Variants in PRKCQ observed in about 807,000 individuals in gnomAD.
PRKCQ encodes the protein protein kinase C theta type.
In PRKCQ, 41 loss-of-function variants were observed where a neutral mutation model predicts 91.2. The ratio of observed to expected loss-of-function variants is 0.45; its 90% CI spans 0.35 to 0.58. The LOEUF (loss-of-function observed/expected upper bound fraction) is 0.58, where lower values mean the gene tolerates loss of function less well. PRKCQ is among the 20% of genes least tolerant of loss of function. The pLI is 0.00. For missense variants in PRKCQ, 673 were observed against 896.5 expected (o/e 0.75, Z 3.18); for synonymous variants, 307 against 316.9 (o/e 0.97, Z 0.33).
intron 8 of PRKCQ, among the ~76,000 whole-genome samples, chr10:6,490,675 G>T (rs1396695609): frequency 6.6e-6 from 1 of 151,996 alleles, no homozygotes; most frequent in African/African-American, 2.4e-5. Context: ...AGTCCAAGAA[G>T]TCAAGTCTGC....
chr10:6,434,030 T>TAA (rs779037464), intron 16 of PRKCQ, among the ~76,000 whole-genome samples: 23,542 of 115,358 alleles, frequency 0.2, 2,664 homozygotes, highest in African/African-American at 0.23. Flanking sequence ...CAAGACTCCT[T>TAA]AAAAAAAAAA....
At chr10:6,524,186 G>T (rs1839119285) in intron 1 of PRKCQ, among the ~76,000 whole-genome samples, 1 of 152,082 alleles carries the variant, frequency 6.6e-6, no homozygotes, top group Non-Finnish European at 1.5e-5. Context: ...GGTGTTACTA[G>T]TTACTCACCT....
At chr10:6,396,830 T>C in the PRKCQ span, among the ~76,000 whole-genome samples, 1 of 152,260 alleles carries the variant, frequency 6.6e-6, no homozygotes, top group African/African-American at 2.4e-5. Flanking sequence ...GGTCATATGG[T>C]AACCATGTGT....
At chr10:6,498,345 G>A (rs374415946) in intron 5 of PRKCQ, 51 bp downstream of exon 5, 33 of 1,589,616 alleles carry the variant, frequency 2.1e-5, no homozygotes, top group African/African-American at 1.3e-4. Context: ...TTAAGAAGAC[G>A]CAACAAAATG....
At chr10:6,543,834 T>C (rs1197019812) in intron 1 of PRKCQ, among the ~76,000 whole-genome samples, 2 of 152,206 alleles carry the variant, frequency 1.3e-5, no homozygotes, top group African/African-American at 4.8e-5. Flanking sequence ...GCACCGCGCA[T>C]CCTTCCTGGC....
intron 1 of PRKCQ, among the ~76,000 whole-genome samples, chr10:6,532,456 A>G (rs548959044): frequency 6.6e-6 from 1 of 152,238 alleles, no homozygotes; most frequent in South Asian, 2.1e-4. Flanking sequence ...GCTTCGGTCT[A>G]CAGTCATCCC....
rs773449510 is a variant in PRKCQ at position 6,485,269 on chromosome 10, C to G, written c.901G>C (p.Ala301Pro). 5 of 1,612,852 alleles carry G rather than the reference C, an allele frequency of 3.1e-6. No homozygotes were observed. The highest frequency in any genetic ancestry group is 3.4e-6 in the Non-Finnish European group (4 of 1,179,132). The change falls in exon 10 of 18, where the codon GCT becomes CCT. Residue 301 changes from alanine to proline, a missense_variant and splice_region_variant. By Grantham distance (27) the Ala-to-Pro change is conservative. Coordinates refer to ENST00000263125, the MANE Select transcript of PRKCQ (RefSeq NM_006257.5). ...TGTTCAGTATCTCTTAAGCAGCGAG[C>G]CTGGATGACAAACAGAGAGTCAGAC... The part of the protein sequence containing the change: ...ALAMIESTQQ[A>P]RCLRDTEQIF...
chr10:6,464,199 A>G, intron 13 of PRKCQ, 114 bp downstream of exon 13: 1 of 884,438 alleles, frequency 1.1e-6, no homozygotes, highest in Non-Finnish European at 1.8e-6. Flanking sequence ...ATGTATTCCC[A>G]AGGGTTCACC....
At chr10:6,445,856 G>A (rs142082592) in intron 15 of PRKCQ, among the ~76,000 whole-genome samples, 30 of 152,314 alleles carry the variant, frequency 2.0e-4, no homozygotes, top group African/African-American at 6.3e-4. Context: ...TGCAATTTCC[G>A]AGACTTGCCC....
chr10:6,468,764 A>G (rs1835815883), intron 12 of PRKCQ, among the ~76,000 whole-genome samples: 2 of 152,252 alleles, frequency 1.3e-5, no homozygotes, highest in South Asian at 2.1e-4. Context: ...ATCTAAATTT[A>G]CCATCACACC....
At chr10:6,489,095 T>C (rs1185193787) in intron 8 of PRKCQ, among the ~76,000 whole-genome samples, 5 of 152,110 alleles carry the variant, frequency 3.3e-5, no homozygotes, top group African/African-American at 9.7e-5. Flanking sequence ...ATCTTTACTA[T>C]AGAAAGGATT....
Position 6,497,306 on chromosome 10 carries a change from A to G in PRKCQ, c.543-55T>C. ...AATGTTGGCATCAACATCAGCACCA[A>G]CAGCATTTAAGAGATGGATGAGATC... is the stretch of plus-strand genomic sequence containing the variant. On this transcript the variant is annotated intron_variant, in intron 5 of 17. Transcript: ENST00000263125. This position sits in a 1 kb window ranked among gnomAD's most constrained non-coding sequence, Gnocchi z 4.5. 6.2e-7 allele frequency: 1 copy of G among 1,604,162 alleles called. No individual in the cohort carries two copies. The highest frequency in any genetic ancestry group is 2.2e-5 in the East Asian group (1 of 44,840).
intron 15 of PRKCQ, among the ~76,000 whole-genome samples, chr10:6,445,121 C>CTCAAAAAAAAAAAAA (rs779476076): frequency 2.8e-5 from 3 of 105,412 alleles, no homozygotes; most frequent in African/African-American, 1.3e-4. Flanking sequence ...AAGACTCTGT[C>CTCAAAAAAAAAAAAA]AAAAAAAAAA....
intron 1 of PRKCQ, among the ~76,000 whole-genome samples, chr10:6,516,118 T>A (rs1838742440): frequency 6.6e-6 from 1 of 152,248 alleles, no homozygotes. Flanking sequence ...AAGCATTGAT[T>A]GTCTTTTCTG....
intron 16 of PRKCQ, among the ~76,000 whole-genome samples, chr10:6,433,107 A>T (rs1047115236): frequency 6.6e-6 from 1 of 152,084 alleles, no homozygotes; most frequent in African/African-American, 2.4e-5. Context: ...ACTCCAACCA[A>T]TGTTCTTTGA....
At chr10:6,571,009 T>C (rs1841023351) in intron 1 of PRKCQ, among the ~76,000 whole-genome samples, 1 of 152,084 alleles carries the variant, frequency 6.6e-6, no homozygotes, top group South Asian at 2.1e-4. Context: ...AGACAGCTGC[T>C]GAGTGCGAGG....
the PRKCQ span, among the ~76,000 whole-genome samples, chr10:6,416,440 A>G: frequency 1.3e-5 from 2 of 152,170 alleles, no homozygotes; most frequent in Admixed American, 6.5e-5. Flanking sequence ...CTTAGCTCCT[A>G]CTTATAAATG....
In PRKCQ at chr10:6,463,897, G is replaced by C. The variant is rs189035489; in HGVS notation, c.1445+416C>G. On this transcript the variant is annotated intron_variant, in intron 13 of 17. Transcript: ENST00000263125. Reference sequence around the variant, plus strand: ...GAAGGAGAAGCTTTGTTCTCAGATGGACTAAGTGCCTCTTCCTGCTCCCTA... The same window carrying C: ...GAAGGAGAAGCTTTGTTCTCAGATGCACTAAGTGCCTCTTCCTGCTCCCTA... Among the ~76,000 whole-genome samples, 496 of 152,254 alleles carry C rather than the reference G, an allele frequency of 3.3e-3. 5 individuals carry two copies. Among genetic ancestry groups the C allele is most frequent in the Non-Finnish European group, 4.2e-3 (283 of 68,016 alleles).
intron 15 of PRKCQ, among the ~76,000 whole-genome samples, chr10:6,449,541 TA>T (rs1407745994): frequency 2.6e-5 from 4 of 152,008 alleles, no homozygotes; most frequent in Non-Finnish European, 5.9e-5. Flanking sequence ...TTCCCCAATC[TA>T]GCAAGGCAGG....
Sources: allele counts gnomAD v4.1 joint callset (sites outside exome capture counted in the v4.1 genomes callset), GRCh38; gene constraint gnomAD v4.1.1; non-coding constraint Gnocchi (gnomAD v3.1); transcripts MANE v1.5; gene names NCBI Gene and HGNC (gene_info 2026-07-23, HGNC 2026-07-21).